DNAAF11: variants seen among roughly 807,000 people sequenced by gnomAD.
DNAAF11 encodes leucine rich repeat containing 6.
A neutral mutation model predicts 60.8 loss-of-function variants in DNAAF11; 45 were observed. The ratio of observed to expected loss-of-function variants is 0.74; its 90% confidence interval spans 0.58 to 0.95. The LOEUF is 0.95. Ranked by LOEUF, DNAAF11 falls within the 40% of genes least tolerant of loss-of-function variation. DNAAF11 has a pLI of 0.00. For missense variants in DNAAF11, 546 were observed against 546.2 expected (o/e 1.00, Z 0.00); for synonymous variants, 191 against 183.5 (o/e 1.04, Z -0.33).
chr8:132,700,095 G>A, the DNAAF11 span, among the ~76,000 whole-genome samples: 1 of 152,082 alleles, frequency 6.6e-6, no homozygotes, highest in Non-Finnish European at 1.5e-5. Context: ...CCTTGAAGTG[G>A]TAAATGTTAT....
chr8:132,590,053 G>A (rs1411473338), intron 10 of DNAAF11, among the ~76,000 whole-genome samples: 1 of 152,184 alleles, frequency 6.6e-6, no homozygotes, highest in African/African-American at 2.4e-5. Flanking sequence ...TGCTGAACCT[G>A]TTTGTCCTCA....
At chr8:132,576,946 C>T (rs953043314) in intron 11 of DNAAF11, among the ~76,000 whole-genome samples, 5 of 152,144 alleles carry the variant, frequency 3.3e-5, no homozygotes, top group African/African-American at 1.2e-4. Flanking sequence ...GGGGCAAGCA[C>T]TGATATTTCG....
At chr8:132,666,335 G>A (rs1220718166) in intron 1 of DNAAF11, among the ~76,000 whole-genome samples, 1 of 152,088 alleles carries the variant, frequency 6.6e-6, no homozygotes, top group Non-Finnish European at 1.5e-5. Flanking sequence ...TTAGATAATG[G>A]ATATGCTAAT....
intron 2 of DNAAF11, among the ~76,000 whole-genome samples, chr8:132,659,463 T>G (rs1823912953): frequency 1.3e-5 from 2 of 152,180 alleles, no homozygotes; most frequent in South Asian, 4.1e-4. Context: ...AATACCATGC[T>G]CCTAATTAGT....
intron 3 of DNAAF11, chr8:132,643,564 T>C (rs1822068166): frequency 2.2e-6 from 1 of 449,904 alleles, no homozygotes; most frequent in Non-Finnish European, 4.5e-6. Flanking sequence ...TATTTCATTA[T>C]GATATCCTGT....
the DNAAF11 span, among the ~76,000 whole-genome samples, chr8:132,692,708 C>T: frequency 6.6e-6 from 1 of 152,208 alleles, no homozygotes; most frequent in Non-Finnish European, 1.5e-5. Flanking sequence ...TATCTCCAAC[C>T]TGACCCTCTC....
At chr8:132,690,760 G>A in the DNAAF11 span, among the ~76,000 whole-genome samples, 1 of 152,124 alleles carries the variant, frequency 6.6e-6, no homozygotes, top group African/African-American at 2.4e-5. Flanking sequence ...TTATTTGCCA[G>A]TTTTACAAAG....
rs146136398 is a variant in DNAAF11 at position 132,632,921 on chromosome 8, C to A, written c.472G>T (p.Ala158Ser). 4.3e-5 allele frequency: 70 copies of A among 1,613,678 alleles called. No homozygotes were observed. The African/African-American group carries it at 8.5e-4, about 20-fold the overall frequency. The change falls in exon 5 of 12, where the codon GCA becomes TCA. Residue 158 changes from alanine to serine, a missense_variant. Ala to Ser is a moderately conservative substitution (Grantham distance 99). Coordinates refer to ENST00000620350, the MANE Select transcript of DNAAF11 (RefSeq NM_012472.6). ...TCAATTACTGAATAGTCCTGCAATG[C>A]CTTAATCCTTTCTGAAGGCTCTATT... is the stretch of plus-strand genomic sequence containing the variant. Reference protein sequence around the residue: ...KEIEPSERIKALQDYSVIEPQ... With the variant: ...KEIEPSERIKSLQDYSVIEPQ...
chr8:132,673,607 C>T (rs1023213417), intron 1 of DNAAF11, among the ~76,000 whole-genome samples: 16 of 152,216 alleles, frequency 1.1e-4, no homozygotes, highest in African/African-American at 3.9e-4. Flanking sequence ...TTCTGTCTCA[C>T]ACCAGTTCCT....
intron 10 of DNAAF11, among the ~76,000 whole-genome samples, chr8:132,590,273 T>C (rs1816325904): frequency 6.6e-6 from 1 of 152,322 alleles, no homozygotes; most frequent in Non-Finnish European, 1.5e-5. Context: ...CAGCAACTTC[T>C]CCAGCAGTGG....
At chr8:132,574,591 C>CT (rs1337079812) in intron 11 of DNAAF11, among the ~76,000 whole-genome samples, 81 of 152,334 alleles carry the variant, frequency 5.3e-4, no homozygotes, top group African/African-American at 1.9e-3. Context: ...TTGCACCTGG[C>CT]TTTTTCTGGA....
chr8:132,669,940 C>CAAAAAAAAAAAAAAAA (rs35402875), intron 1 of DNAAF11, among the ~76,000 whole-genome samples: 3 of 69,786 alleles, frequency 4.3e-5, no homozygotes, highest in African/African-American at 1.2e-4. Context: ...GACTCCGTCT[C>CAAAAAAAAAAAAAAAA]AAAAAAAAAA....
At chr8:132,581,799 C>T (rs1375984002) in intron 11 of DNAAF11, among the ~76,000 whole-genome samples, 1 of 151,998 alleles carries the variant, frequency 6.6e-6, no homozygotes, top group Non-Finnish European at 1.5e-5. Flanking sequence ...AATAATAGCA[C>T]TTATCTGCAG....
chr8:132,614,671 G>C (rs751864783), intron 8 of DNAAF11, among the ~76,000 whole-genome samples: 52 of 152,262 alleles, frequency 3.4e-4, no homozygotes, highest in Non-Finnish European at 5.7e-4. Context: ...GACTGAGGGA[G>C]GGGAGCCGAT....
the DNAAF11 span, among the ~76,000 whole-genome samples, chr8:132,702,856 A>G: frequency 6.6e-6 from 1 of 152,198 alleles, no homozygotes; most frequent in African/African-American, 2.4e-5. Flanking sequence ...CTATACTGCG[A>G]TGCTACTCTT....
chr8:132,699,537 C>A, the DNAAF11 span, among the ~76,000 whole-genome samples: 1 of 152,074 alleles, frequency 6.6e-6, no homozygotes, highest in Non-Finnish European at 1.5e-5. Context: ...AGAGGGAAGG[C>A]CAGGTAGAAA....
intron 9 of DNAAF11, 83 bp downstream of exon 9, chr8:132,611,211 A>G (rs778944800): frequency 1.0e-6 from 1 of 994,548 alleles, no homozygotes; most frequent in Non-Finnish European, 1.5e-6. Flanking sequence ...CTATTTTAAT[A>G]ATACTTAAAA....
At chr8:132,622,749 A>G (rs1819887001) in intron 6 of DNAAF11, 61 bp from the exon 7 acceptor site, 1 of 1,157,690 alleles carries the variant, frequency 8.6e-7, no homozygotes, top group Non-Finnish European at 1.3e-6. Flanking sequence ...AAGCAAAGAG[A>G]ATATAAAAGC....
intron 7 of DNAAF11, among the ~76,000 whole-genome samples, chr8:132,617,907 A>G (rs1463069626): frequency 2.0e-5 from 3 of 150,000 alleles, no homozygotes; most frequent in Non-Finnish European, 4.4e-5. Flanking sequence ...ATCCCCATCA[A>G]GCTACCAATG....
Sources: gnomAD v4.1 joint callset for allele counts (sites outside exome capture counted in the v4.1 genomes callset) on GRCh38, gnomAD v4.1.1 for gene constraint, MANE v1.5 for transcripts, NCBI Gene and HGNC (gene_info 2026-07-23, HGNC 2026-07-21) for gene names.